Variants in OR2H1 observed in about 807,000 individuals in gnomAD.
The protein encoded by OR2H1 is olfactory receptor family 2 subfamily H member 1, also known as olfactory receptor 2H1.
For missense variants in OR2H1, 380 were observed against 367.3 expected (o/e 1.03, Z -0.28); for synonymous variants, 155 against 155.2 (o/e 1.00, Z 0.01).
At chr6:29,460,732 G>C (rs945391115) in intron 3 of OR2H1, 1 of 152,090 alleles carries the variant, frequency 6.6e-6, no homozygotes, top group Non-Finnish European at 1.5e-5. Context: ...TATAGATAAA[G>C]AACATTCAGA....
rs992360322 is a variant in OR2H1, at chr6:29,463,030, G to A, written c.*310G>A. 2.0e-5 allele frequency: 8 copies of A among 392,004 alleles called. No individual in the cohort carries two copies. The highest frequency in any genetic ancestry group is 3.8e-5 in the Non-Finnish European group (8 of 211,028). The allele number at this position is 392,004 out of a possible 1,614,324, so 24.3% of individuals were successfully genotyped here. A position where few individuals can be genotyped will look rare whatever the true frequency, so the allele number is the denominator to read the frequency against. ...TCTATAGATTTCCTAACTCCACCAT[G>A]CCTATTTCTGGTTATATAATTGCTC... On this transcript the variant is annotated 3_prime_UTR_variant, in exon 4 of 4. Transcript: ENST00000377133.
chr6:29,460,005 C>T (rs1787034820), intron 2 of OR2H1: 1 of 152,198 alleles, frequency 6.6e-6, no homozygotes, highest in Non-Finnish European at 1.5e-5. Flanking sequence ...TCTAGTCTCT[C>T]TGCTTCTCAT....
In OR2H1 at chr6:29,461,602, G is replaced by T; in HGVS notation, c.-168G>T. The T allele has an allele frequency of 1.7e-6, 1 of 604,412 alleles. No homozygotes were observed. 37.4% of individuals were successfully genotyped at this position (604,412 alleles called of 1,614,324 possible). On this transcript the variant is annotated 5_prime_UTR_variant, in exon 4 of 4. Coordinates refer to ENST00000377133, the MANE Select transcript of OR2H1 (RefSeq NM_030883.5). ...CAGAAGGAACAGGGAACGAGAAGGAGCTGCTGGATGACGATAAGCCTGGGA... is the reference window on the plus strand; with the variant it reads ...CAGAAGGAACAGGGAACGAGAAGGATCTGCTGGATGACGATAAGCCTGGGA...
chr6:29,460,355 A>T (rs565127692), intron 2 of OR2H1, 49 bp from the exon 3 acceptor site: 1 of 132,204 alleles, frequency 7.6e-6, no homozygotes, highest in African/African-American at 3.0e-5. Flanking sequence ...ACAGACACCC[A>T]CCACCACACC....
chr6:29,461,642 G>T lies in OR2H1; in HGVS notation c.-128G>T. Reference sequence around the variant, plus strand: ...TAAGCCTGGGAAAGGGAGGCTGGGTGAGCAGAGACAGAAAAGAAACACCTA... The same window carrying T: ...TAAGCCTGGGAAAGGGAGGCTGGGTTAGCAGAGACAGAAAAGAAACACCTA... On this transcript the variant is annotated 5_prime_UTR_variant, in exon 4 of 4. Coordinates refer to ENST00000377133, the MANE Select transcript of OR2H1 (RefSeq NM_030883.5). 1.4e-6 allele frequency: 1 copy of T among 701,328 alleles called. No homozygotes were observed. Among genetic ancestry groups the T allele is most frequent in the South Asian group, 1.8e-5 (1 of 54,652 alleles). 43.4% of individuals were successfully genotyped at this position (701,328 alleles called of 1,614,324 possible). A position where few individuals can be genotyped will look rare whatever the true frequency, so the allele number is the denominator to read the frequency against.
At chr6:29,458,688 C>A (rs1561851463) in intron 2 of OR2H1, 119 bp downstream of exon 2, 1 of 152,188 alleles carries the variant, frequency 6.6e-6, no homozygotes. Context: ...TAACCCTGGG[C>A]AAGTTACTTA....
chr6:29,460,076 G>A (rs530873168), intron 2 of OR2H1: 1 of 152,322 alleles, frequency 6.6e-6, no homozygotes, highest in South Asian at 2.1e-4. Context: ...ACTAAGGAAA[G>A]GCTACTTAAG....
chr6:29,458,133 C>T (rs1402201435), intron 1 of OR2H1, among the ~76,000 whole-genome samples: 2 of 152,196 alleles, frequency 1.3e-5, no homozygotes, highest in Admixed American at 6.5e-5. Flanking sequence ...CATAGTAAAG[C>T]GCTAACTCTA....
At chr6:29,460,624 A>G (rs985569037) in intron 3 of OR2H1, among the ~76,000 whole-genome samples, 170 bp downstream of exon 3, 4 of 152,078 alleles carry the variant, frequency 2.6e-5, no homozygotes, top group Non-Finnish European at 1.5e-5. Flanking sequence ...GAGGCATTAT[A>G]TATACAACTC....
chr6:29,459,396 A>C (rs1347489314), intron 2 of OR2H1, among the ~76,000 whole-genome samples: 2 of 152,216 alleles, frequency 1.3e-5, no homozygotes, highest in African/African-American at 2.4e-5. Context: ...TTATTCCATA[A>C]AATCCATAGA....
chr6:29,462,778 A>G lies in OR2H1; in HGVS notation c.*58A>G, dbSNP rs1357929702. On this transcript the variant is annotated 3_prime_UTR_variant, in exon 4 of 4. Transcript: ENST00000377133. ...GATTTATGAACATGTTAAGTTTTCC[A>G]GACTACTACCCTTCCCACATACACC... The G allele has an allele frequency of 3.1e-6, 4 of 1,310,472 alleles. No individual in the cohort carries two copies. The highest frequency in any genetic ancestry group is 2.1e-5 in the Admixed American group (1 of 48,284). 81.2% of individuals were successfully genotyped at this position (1,310,472 alleles called of 1,614,324 possible).
chr6:29,463,520 T>TA lies in OR2H1; in HGVS notation c.*801dup, dbSNP rs1222968586. On this transcript the variant is annotated 3_prime_UTR_variant, in exon 4 of 4. Coordinates refer to ENST00000377133, the MANE Select transcript of OR2H1 (RefSeq NM_030883.5). ...GCACGTTTGGCTTTTACTTCTTTTT[T>TA]ATATGTAAATAATAAGCCATCTAAG... 6.0e-6 allele frequency: 1 copy of TA among 167,062 alleles called. No homozygotes were observed. Among genetic ancestry groups the TA allele is most frequent in the Non-Finnish European group, 1.5e-5 (1 of 68,128 alleles). The allele number at this position is 167,062 out of a possible 1,614,324, so 10.3% of individuals were successfully genotyped here.
In OR2H1 at chr6:29,461,830, C is replaced by A. The variant is rs1298440818; in HGVS notation, c.61C>A (p.Leu21Met). Residue 21 changes from leucine to methionine, a missense_variant, in exon 4 of 4, where the codon CTG becomes ATG. Coordinates refer to ENST00000377133, the MANE Select transcript of OR2H1 (RefSeq NM_030883.5). ...LLLGFSEHPA[L>M]ERTLFVVVFT... ...TCTGGGCTTCTCTGAACACCCAGCA[C>A]TGGAAAGGACTCTCTTTGTGGTTGT... 1 of 1,612,974 alleles carries A rather than the reference C, an allele frequency of 6.2e-7. No individual in the cohort carries two copies. The highest frequency in any genetic ancestry group is 2.2e-5 in the East Asian group (1 of 44,896).
intron 1 of OR2H1, 133 bp from the exon 2 acceptor site, chr6:29,458,321 C>A (rs1445355978): frequency 6.6e-6 from 1 of 152,200 alleles, no homozygotes; most frequent in Admixed American, 6.5e-5. Flanking sequence ...ATAGTACCCA[C>A]CTTTTGAAGT....
intron 3 of OR2H1, chr6:29,460,873 T>C (rs1787170688): frequency 1.3e-5 from 2 of 152,186 alleles, no homozygotes; most frequent in East Asian, 3.9e-4. Flanking sequence ...TAAATTCTTC[T>C]AGATCCTGAA....
Position 29,462,476 on chromosome 6 carries a change from T to C in OR2H1, c.707T>C (p.Phe236Ser). The C allele has an allele frequency of 1.2e-6, 2 of 1,613,028 alleles. No homozygotes were observed. Among genetic ancestry groups the C allele is most frequent in the Non-Finnish European group, 1.7e-6 (2 of 1,179,992 alleles). ...TCTGCCACAGCATGGAGAAAGGCCT[T>C]TGGGACCTGCTCCTCCCATCTCACT... The part of the protein sequence containing the change: ...INSATAWRKA[F>S]GTCSSHLTVV... The change falls in exon 4 of 4, where the codon TTT becomes TCT. Residue 236 changes from phenylalanine (F) to serine (S), a missense_variant. Coordinates refer to ENST00000377133, the MANE Select transcript of OR2H1 (RefSeq NM_030883.5).
In OR2H1 at chr6:29,462,845, G is replaced by C. The variant is rs189432210; in HGVS notation, c.*125G>C. The stretch of plus-strand genomic sequence containing the variant: ...GTCACAGTGTGGCTATGTTATCTAT[G>C]AGAGGGAGAATGAGAAAGAGAGGGA... On this transcript the variant is annotated 3_prime_UTR_variant, in exon 4 of 4. Coordinates refer to ENST00000377133, the MANE Select transcript of OR2H1 (RefSeq NM_030883.5). The C allele has an allele frequency of 1.9e-3, 1,293 of 677,000 alleles. 7 individuals carry two copies. Among genetic ancestry groups the C allele is most frequent in the Admixed American group, 5.3e-3 (181 of 34,324 alleles). The allele number at this position is 677,000 out of a possible 1,614,324, so 41.9% of individuals were successfully genotyped here.
Position 29,460,425 on chromosome 6 carries a change from AC to A in OR2H1, c.-303del, listed in dbSNP as rs1228416871. On this transcript the variant is annotated 5_prime_UTR_variant, in exon 3 of 4. It introduces an in-frame stop codon into an upstream open reading frame of the 5' UTR. Coordinates refer to ENST00000377133, the MANE Select transcript of OR2H1 (RefSeq NM_030883.5). Reference sequence around the variant, plus strand: ...GTAGAGACGAGGTTTCACCATGTTGACCAGGCTGATCTCAAACATCTGACCT... The same window carrying A: ...GTAGAGACGAGGTTTCACCATGTTGACAGGCTGATCTCAAACATCTGACCT... The A allele has an allele frequency of 1.7e-5, 2 of 119,078 alleles. No homozygotes were observed. Among genetic ancestry groups the A allele is most frequent in the Non-Finnish European group, 3.2e-5 (2 of 62,050 alleles). The allele number at this position is 119,078 out of a possible 1,614,324, so 7.4% of individuals were successfully genotyped here. A position where few individuals can be genotyped will look rare whatever the true frequency, so the allele number is the denominator to read the frequency against.
At chr6:29,457,482 G>C (rs1381199217) in intron 1 of OR2H1, among the ~76,000 whole-genome samples, 1 of 152,154 alleles carries the variant, frequency 6.6e-6, no homozygotes, top group Non-Finnish European at 1.5e-5. Context: ...TGAAGTTCTG[G>C]AAAAAGCAAA....
Sources: gnomAD v4.1 joint callset for allele counts (sites outside exome capture counted in the v4.1 genomes callset) on GRCh38, gnomAD v4.1.1 for gene constraint, MANE v1.5 for transcripts, NCBI Gene and HGNC (gene_info 2026-07-23, HGNC 2026-07-21) for gene names.